RAB6B: variants seen among roughly 807,000 people sequenced by gnomAD.
RAB6B encodes RAB6B, member RAS oncogene family.
RAB6B carries 7 observed loss-of-function variants against 31.2 expected under a neutral mutation model. The observed-to-expected ratio is 0.22, with a 90% confidence interval of 0.13 to 0.42. RAB6B has a LOEUF of 0.42. RAB6B is among the 10% of genes least tolerant of loss of function. The pLI, the probability that RAB6B is intolerant of heterozygous loss-of-function variation, is 1.00. For missense variants in RAB6B, 149 were observed against 280.6 expected (o/e 0.53, Z 3.35); for synonymous variants, 105 against 104.9 (o/e 1.00, Z -0.01).
At chr3:133,885,821 T>C (rs184078370) in intron 1 of RAB6B, among the ~76,000 whole-genome samples, 1 of 152,130 alleles carries the variant, frequency 6.6e-6, no homozygotes, top group Non-Finnish European at 1.5e-5. Flanking sequence ...AAAATATACA[T>C]CTGCAGTGGA....
At chr3:133,844,444 T>C (rs944847226) in intron 2 of RAB6B, among the ~76,000 whole-genome samples, 2 of 152,222 alleles carry the variant, frequency 1.3e-5, no homozygotes, top group African/African-American at 4.8e-5. Flanking sequence ...AGAACTTCTA[T>C]AGCTGTGGAG....
chr3:133,826,863 A>G lies in RAB6B; in HGVS notation c.*1925T>C, dbSNP rs995974515. On this transcript the variant is annotated 3_prime_UTR_variant, in exon 8 of 8. Transcript: ENST00000285208. ...GTTCCAACTTGAGAGCAGGAGAAAC[A>G]AGAATATACATTGAGCACATGTATC... 1 of 152,720 alleles carries G rather than the reference A, an allele frequency of 6.5e-6. No individual in the cohort carries two copies. Among genetic ancestry groups the G allele is most frequent in the South Asian group, 2.1e-4 (1 of 4,834 alleles). The allele number at this position is 152,720 out of a possible 1,614,324, so 9.5% of individuals were successfully genotyped here.
chr3:133,880,632 T>C (rs1446504704), intron 1 of RAB6B, among the ~76,000 whole-genome samples: 1 of 152,236 alleles, frequency 6.6e-6, no homozygotes, highest in Non-Finnish European at 1.5e-5. Flanking sequence ...CAGGAAGCTG[T>C]CCCTGCACTT....
rs1935555993 is a variant in RAB6B at position 133,825,979 on chromosome 3, T to C, written c.*2809A>G. ...TCTTCAAGAGCACCTAACAGTTTAT[T>C]ATGGAACCTTAACTCTGTGCCAATT... On this transcript the variant is annotated 3_prime_UTR_variant, in exon 8 of 8. Transcript: ENST00000285208. The C allele has an allele frequency of 6.6e-6, 1 of 152,222 alleles. No homozygotes were observed. Among genetic ancestry groups the C allele is most frequent in the Non-Finnish European group, 1.5e-5 (1 of 68,040 alleles). The allele number at this position is 152,222 out of a possible 1,614,324, so 9.4% of individuals were successfully genotyped here. A position where few individuals can be genotyped will look rare whatever the true frequency, so the allele number is the denominator to read the frequency against.
rs1935543990 is a variant in RAB6B at position 133,825,378 on chromosome 3, G to C, written c.*3410C>G. The C allele has an allele frequency of 6.6e-6, 1 of 152,222 alleles. No homozygotes were observed. Among genetic ancestry groups the C allele is most frequent in the Non-Finnish European group, 1.5e-5 (1 of 68,076 alleles). The allele number at this position is 152,222 out of a possible 1,614,324, so 9.4% of individuals were successfully genotyped here. A position where few individuals can be genotyped will look rare whatever the true frequency, so the allele number is the denominator to read the frequency against. ...CTTAACTACCACCATTTCAATCCTTGTTTCTGTTGCCAGAGATACTGAAAC... is the reference window on the plus strand; with the variant it reads ...CTTAACTACCACCATTTCAATCCTTCTTTCTGTTGCCAGAGATACTGAAAC... On this transcript the variant is annotated 3_prime_UTR_variant, in exon 8 of 8. Coordinates refer to ENST00000285208, the MANE Select transcript of RAB6B (RefSeq NM_016577.4).
chr3:133,856,383 T>C (rs534118613), intron 2 of RAB6B, among the ~76,000 whole-genome samples: 2 of 152,032 alleles, frequency 1.3e-5, no homozygotes, highest in Non-Finnish European at 2.9e-5. Context: ...GTTCTCATCT[T>C]TGTACAGACT....
intron 2 of RAB6B, among the ~76,000 whole-genome samples, chr3:133,846,008 C>G (rs767906890): frequency 4.6e-5 from 7 of 152,192 alleles, no homozygotes; most frequent in Non-Finnish European, 1.0e-4. Context: ...ATAACAGTAG[C>G]TAGGACACTG....
intron 1 of RAB6B, among the ~76,000 whole-genome samples, chr3:133,891,492 C>G (rs575343198): frequency 6.6e-6 from 1 of 152,332 alleles, no homozygotes; most frequent in South Asian, 2.1e-4. Flanking sequence ...AGAGGCGGGT[C>G]AGGCGCCCCT....
intron 1 of RAB6B, among the ~76,000 whole-genome samples, chr3:133,881,534 G>C (rs1936466488): frequency 6.6e-6 from 1 of 152,208 alleles, no homozygotes; most frequent in Non-Finnish European, 1.5e-5. Context: ...CTAATGCCTG[G>C]AGGCCCAGCT....
chr3:133,850,886 T>C (rs1935974672), intron 2 of RAB6B, among the ~76,000 whole-genome samples: 1 of 151,092 alleles, frequency 6.6e-6, no homozygotes, highest in African/African-American at 2.4e-5. Flanking sequence ...AAATCAAAGA[T>C]AAAGAAAAAT....
intron 7 of RAB6B, among the ~76,000 whole-genome samples, chr3:133,831,104 C>T (rs577697629): frequency 5.9e-5 from 9 of 152,314 alleles, no homozygotes; most frequent in African/African-American, 1.9e-4. Context: ...CAATCTCATG[C>T]GCAATTTGAT....
chr3:133,895,820 T>C lies in RAB6B; in HGVS notation c.-354A>G, dbSNP rs2108020571. The C allele has an allele frequency of 4.0e-6, 1 of 248,104 alleles. No individual in the cohort carries two copies. The highest frequency in any genetic ancestry group is 7.8e-5 in the East Asian group (1 of 12,796). 15.4% of individuals were successfully genotyped at this position (248,104 alleles called of 1,614,324 possible). A position where few individuals can be genotyped will look rare whatever the true frequency, so the allele number is the denominator to read the frequency against. ...GACGGCGCGCGGGGCGGAGGAGCGC[T>C]CTCCAGAGCCGCGCCAGTCGGCCCC... On this transcript the variant is annotated 5_prime_UTR_variant, in exon 1 of 8. Transcript: ENST00000285208.
chr3:133,868,468 G>A (rs1407212991), intron 1 of RAB6B, among the ~76,000 whole-genome samples: 2 of 152,222 alleles, frequency 1.3e-5, no homozygotes, highest in Admixed American at 6.5e-5. Context: ...TTCTGCGGGA[G>A]CTGTCCTCCT....
chr3:133,857,393 C>A (rs1306582550), intron 2 of RAB6B, among the ~76,000 whole-genome samples: 5 of 147,356 alleles, frequency 3.4e-5, no homozygotes, highest in Admixed American at 6.8e-5. Context: ...GGGACTTGAA[C>A]CTGGGGCTTA....
chr3:133,870,984 G>A (rs544551332), intron 1 of RAB6B, among the ~76,000 whole-genome samples: 1 of 152,304 alleles, frequency 6.6e-6, no homozygotes, highest in East Asian at 1.9e-4. Context: ...TCACCAACAG[G>A]GGCCATTCAC....
intron 2 of RAB6B, among the ~76,000 whole-genome samples, chr3:133,846,877 G>A (rs774165103): frequency 2.6e-5 from 4 of 152,148 alleles, no homozygotes; most frequent in Non-Finnish European, 5.9e-5. Flanking sequence ...CTTCAAAAAT[G>A]AAGACAAAAC....
At chr3:133,853,507 C>T (rs1047425066) in intron 2 of RAB6B, among the ~76,000 whole-genome samples, 1 of 151,590 alleles carries the variant, frequency 6.6e-6, no homozygotes, top group Non-Finnish European at 1.5e-5. Context: ...CTCCCCAGGA[C>T]AGACCATAGC....
intron 2 of RAB6B, 81 bp downstream of exon 2, chr3:133,864,503 A>G: frequency 7.0e-7 from 1 of 1,436,042 alleles, no homozygotes; most frequent in South Asian, 1.1e-5. Context: ...GGGCCATTCC[A>G]CTCCCACCCC....
chr3:133,883,677 G>A (rs1483247739), intron 1 of RAB6B, among the ~76,000 whole-genome samples: 1 of 152,206 alleles, frequency 6.6e-6, no homozygotes, highest in Admixed American at 6.5e-5. Flanking sequence ...TGTGTTCTAA[G>A]TGCCTCACTT....
Sources: gnomAD v4.1 joint callset for allele counts (sites outside exome capture counted in the v4.1 genomes callset) on GRCh38, gnomAD v4.1.1 for gene constraint, MANE v1.5 for transcripts, NCBI Gene and HGNC (gene_info 2026-07-23, HGNC 2026-07-21) for gene names.